MYH11: variants seen among roughly 807,000 people sequenced by gnomAD.
MYH11 encodes myosin-11.
In MYH11, 80 loss-of-function variants were observed where a neutral mutation model predicts 246.6. That is an observed-to-expected ratio of 0.32 (90% CI 0.27 to 0.39). MYH11 has a LOEUF of 0.39. MYH11 is among the 10% of genes least tolerant of loss of function. The pLI, the probability that MYH11 is intolerant of heterozygous loss-of-function variation, is 1.00. For missense variants in MYH11, 2,158 were observed against 2,546.8 expected (o/e 0.85, Z 3.29); for synonymous variants, 1,071 against 1,015.5 (o/e 1.05, Z -1.04).
At chr16:15,822,508 T>C (rs1310183198) in intron 3 of MYH11, among the ~76,000 whole-genome samples, 1 of 151,982 alleles carries the variant, frequency 6.6e-6, no homozygotes, top group African/African-American at 2.4e-5. Context: ...ATCCTGTCAC[T>C]TCCAAAAACA....
chr16:15,748,922 C>T (rs928172297), intron 16 of MYH11, among the ~76,000 whole-genome samples: 2 of 152,006 alleles, frequency 1.3e-5, no homozygotes, highest in African/African-American at 4.8e-5. Flanking sequence ...TGCCCAGCCC[C>T]CTCATTCACT....
At chr16:15,772,445 A>C (rs2042126149) in intron 8 of MYH11, among the ~76,000 whole-genome samples, 1 of 152,106 alleles carries the variant, frequency 6.6e-6, no homozygotes, top group Non-Finnish European at 1.5e-5. Context: ...CATGAGTTTT[A>C]AAAATCAATT....
chr16:15,727,051 T>C lies in MYH11; in HGVS notation c.3655A>G (p.Lys1219Glu). The part of the protein sequence containing the change: ...TEQLEQFKRA[K>E]ANLDKNKQTL... The stretch of plus-strand genomic sequence containing the variant: ...TGCTTATTCTTGTCTAGGTTCGCCT[T>C]GGCCTGGCGAAGGAAGCAGAGGGGA... The change falls in exon 28 of 41, where the codon AAG becomes GAG. Residue 1219 changes from lysine (K) to glutamate (E), a missense_variant. Lys to Glu is a moderately conservative substitution (Grantham distance 56). Around this residue, in one of 11 missense-constraint regions of MYH11, gnomAD observed 1,013 missense variants for 993.5 expected, o/e 1.02. Coordinates refer to ENST00000300036, the MANE Select transcript of MYH11 (RefSeq NM_002474.3). 1.2e-6 allele frequency: 2 copies of C among 1,613,348 alleles called. No individual in the cohort carries two copies. The highest frequency in any genetic ancestry group is 1.6e-4 in the Middle Eastern group (1 of 6,062).
intron 27 of MYH11, 150 bp from the exon 28 acceptor site, chr16:15,727,204 GTTA>G (rs2040810806): frequency 4.2e-6 from 3 of 706,696 alleles, no homozygotes; most frequent in Admixed American, 2.7e-5. Flanking sequence ...TTTTTTTGTT[GTTA>G]TTTTTTTTTT....
At chr16:15,828,293 A>G (rs951271665) in intron 2 of MYH11, among the ~76,000 whole-genome samples, 3 of 152,136 alleles carry the variant, frequency 2.0e-5, no homozygotes, top group African/African-American at 4.8e-5. Context: ...TGCTCAATCA[A>G]TGTTATTTAG....
intron 37 of MYH11, 114 bp downstream of exon 37, chr16:15,718,201 C>T (rs748042473): frequency 3.2e-6 from 5 of 1,544,692 alleles, no homozygotes; most frequent in Non-Finnish European, 4.4e-6. Flanking sequence ...ACCCTCTTGT[C>T]CCTCAATCCA....
chr16:15,768,335 G>A lies in MYH11; in HGVS notation c.1033+3234C>T, dbSNP rs142787834. Among the ~76,000 whole-genome samples the A allele has an allele frequency of 4.1e-3, 621 of 151,750 alleles. 6 individuals carry two copies. Among genetic ancestry groups the A allele is most frequent in the African/African-American group, 0.014 (589 of 41,346 alleles). ...GTATAACCAGGCCAGGCATGGTGGC[G>A]CATGAGGATATCTTGAGGCCAGGAG... On this transcript the variant is annotated intron_variant, in intron 9 of 40. Coordinates refer to ENST00000300036, the MANE Select transcript of MYH11 (RefSeq NM_002474.3).
intron 4 of MYH11, among the ~76,000 whole-genome samples, chr16:15,793,287 C>T (rs2042658281): frequency 6.6e-6 from 1 of 151,686 alleles, no homozygotes; most frequent in Non-Finnish European, 1.5e-5. Flanking sequence ...TTCTTGTCTT[C>T]CTTCCCTTCC....
chr16:15,737,728 A>T lies in MYH11; in HGVS notation c.3122-108T>A. ...CCGGAGGAGATGAACACATCCCCCA[A>T]TCAGTAACCATCATAGTCACGGTCT... On this transcript the variant is annotated intron_variant, in intron 24 of 40. Coordinates refer to ENST00000300036, the MANE Select transcript of MYH11 (RefSeq NM_002474.3). 5 of 1,110,304 alleles carry T rather than the reference A, an allele frequency of 4.5e-6. No homozygotes were observed. In the South Asian group the frequency reaches 6.4e-5, roughly 14 times the overall value. 68.8% of individuals were successfully genotyped at this position (1,110,304 alleles called of 1,614,324 possible). A position where few individuals can be genotyped will look rare whatever the true frequency, so the allele number is the denominator to read the frequency against.
chr16:15,842,813 C>T (rs1329688547), intron 1 of MYH11, among the ~76,000 whole-genome samples: 2 of 147,346 alleles, frequency 1.4e-5, no homozygotes, highest in African/African-American at 2.5e-5. Flanking sequence ...GAGGAAATCC[C>T]ATCTAAATCT....
chr16:15,750,184 G>T lies in MYH11; in HGVS notation c.2012C>A (p.Thr671Asn). The change falls in exon 16 of 41, where the codon ACC becomes AAC. Residue 671 changes from threonine (T) to asparagine (N), a missense_variant. This residue lies in a region of MYH11 where 317 missense variants were observed against 507.7 expected (regional missense o/e 0.62). Coordinates refer to ENST00000300036, the MANE Select transcript of MYH11 (RefSeq NM_002474.3). The surrounding 1 kb of genome is among the most constrained non-coding windows in gnomAD (Gnocchi z 4.3). ...LGKLMTTLRN[T>N]TPNFVRCIIP... is the part of the protein sequence containing the mutation. ...GATGCAGCGCACGAAGTTGGGCGTG[G>T]TGTTGCGTAGCGTGGTCATCAGCTT... The T allele has an allele frequency of 6.2e-7, 1 of 1,614,222 alleles. No individual in the cohort carries two copies. The highest frequency in any genetic ancestry group is 2.2e-5 in the East Asian group (1 of 44,876).
chr16:15,790,643 G>A (rs142746914), intron 4 of MYH11, among the ~76,000 whole-genome samples: 1 of 152,172 alleles, frequency 6.6e-6, no homozygotes, highest in Non-Finnish European at 1.5e-5. Flanking sequence ...TTCCTGGTCT[G>A]AGCACCCTAA....
In MYH11 at chr16:15,838,070, C is replaced by A; in HGVS notation, c.183G>T (p.Glu61Asp). 1 of 1,614,118 alleles carries A rather than the reference C, an allele frequency of 6.2e-7. No individual in the cohort carries two copies. Among genetic ancestry groups the A allele is most frequent in the Non-Finnish European group, 8.5e-7 (1 of 1,180,048 alleles). Residue 61 changes from glutamate (E) to aspartate (D), a missense_variant, in exon 2 of 41, where the codon GAG (glutamate) becomes GAT (aspartate). Glu to Asp is a conservative substitution (Grantham distance 45). Transcript: ENST00000300036. ...TGACCTTCTTGCCATTCTCCACCAG[C>A]TCCACAACCACCTCATCCCCCTTCT... is the stretch of plus-strand genomic sequence containing the variant. ...KEEKGDEVVV[E>D]LVENGKKVTV...
At chr16:15,746,311 G>C (rs529062447) in intron 19 of MYH11, among the ~76,000 whole-genome samples, 14 of 152,130 alleles carry the variant, frequency 9.2e-5, no homozygotes, top group Non-Finnish European at 1.8e-4. Context: ...AAGGGCTATC[G>C]ATAGATTGAG....
rs2041274181 is a variant in MYH11, at chr16:15,741,594, G to A, written c.2728C>T (p.Arg910Trp). The A allele has an allele frequency of 6.2e-7, 1 of 1,612,646 alleles. No homozygotes were observed. ...TELYAEAEEM[R>W]VRLAAKKQEL... ...TGCTTCTTGGCCGCCAGCCGCACCC[G>A]CATCTCCTCAGCCTCTGCATACAGC... The change falls in exon 22 of 41, where the codon CGG becomes TGG. Residue 910 changes from arginine (R) to tryptophan (W), a missense_variant. Transcript: ENST00000300036.
chr16:15,739,995 G>A, intron 23 of MYH11, 56 bp downstream of exon 23: 1 of 1,596,678 alleles, frequency 6.3e-7, no homozygotes, highest in South Asian at 1.1e-5. Flanking sequence ...ACATACCTTG[G>A]CCTCCCAAAG....
intron 2 of MYH11, among the ~76,000 whole-genome samples, chr16:15,836,015 G>A (rs938908392): frequency 6.6e-6 from 1 of 152,126 alleles, no homozygotes; most frequent in African/African-American, 2.4e-5. Flanking sequence ...TTCTCAAAGT[G>A]CTGGGATTAC....
chr16:15,824,591 T>C (rs116075573), intron 2 of MYH11, among the ~76,000 whole-genome samples: 345 of 152,260 alleles, frequency 2.3e-3, no homozygotes, highest in African/African-American at 6.1e-3. Context: ...AGAGAGGGAA[T>C]GTCGTTAACT....
intron 2 of MYH11, among the ~76,000 whole-genome samples, chr16:15,833,389 A>AGGAAGGAAGGAAGGG (rs1567208169): frequency 5.3e-5 from 6 of 113,356 alleles, no homozygotes; most frequent in Non-Finnish European, 1.0e-4. Context: ...GGGAGGGAGG[A>AGGAAGGAAGGAAGGG]AGGAAGGAAG....
Sources: gnomAD v4.1 joint callset for allele counts (sites outside exome capture counted in the v4.1 genomes callset) on GRCh38, gnomAD v4.1.1 for gene constraint, gnomAD v4.1.1 regional missense constraint, Gnocchi (gnomAD v3.1) non-coding constraint, MANE v1.5 for transcripts, NCBI Gene and HGNC (gene_info 2026-07-23, HGNC 2026-07-21) for gene names.